MACROD2: variants seen among roughly 807,000 people sequenced by gnomAD.
MACROD2 encodes mono-ADP ribosylhydrolase 2.
In MACROD2, 36 loss-of-function variants were observed where a neutral mutation model predicts 70.4. The observed-to-expected ratio is 0.51, with a 90% CI of 0.39 to 0.68. The LOEUF is 0.68. Ranked by LOEUF, MACROD2 falls within the 30% of genes least tolerant of loss-of-function variation. The pLI is 0.00. For missense variants in MACROD2, 496 were observed against 538.4 expected (o/e 0.92, Z 0.78); for synonymous variants, 172 against 178.8 (o/e 0.96, Z 0.30).
rs1285356290 is a variant in MACROD2 at position 14,190,713 on chromosome 20, T to A, written c.271+104985T>A. ...ATATATATATATTTTTTTTTTTTTT[T>A]TTTTTTTTTTTTTTTCCAGAGTCTT... is the stretch of plus-strand genomic sequence containing the variant. On this transcript the variant is annotated intron_variant, in intron 3 of 17. Coordinates refer to ENST00000684519, the MANE Select transcript of MACROD2 (RefSeq NM_001351661.2). Among the ~76,000 whole-genome samples, 283 of 104,342 alleles carry A rather than the reference T, an allele frequency of 2.7e-3. 1 individual carries two copies. Among genetic ancestry groups the A allele is most frequent in the African/African-American group, 6.9e-3 (171 of 24,934 alleles). 68.5% of individuals were successfully genotyped at this position (104,342 alleles called of 152,430 possible).
chr20:14,971,273 G>A (rs148654367), intron 5 of MACROD2, among the ~76,000 whole-genome samples: 341 of 152,048 alleles, frequency 2.2e-3, no homozygotes, highest in African/African-American at 7.4e-3. Context: ...ATGGGTAACC[G>A]TCACCTTAAG....
intron 3 of MACROD2, among the ~76,000 whole-genome samples, chr20:14,435,055 C>T (rs1268332779): frequency 6.6e-6 from 1 of 152,154 alleles, no homozygotes; most frequent in Non-Finnish European, 1.5e-5. Context: ...CTTAATACTG[C>T]AGAACTTGAT....
At position 15,876,091 on chromosome 20, in the gene MACROD2, T is replaced by TTATATATATATATATATATATA. The variant is rs752542911; in HGVS notation, c.728-9652_728-9651insATATATATATATATATATATAT. ...ACTTTTATTGTCAGCTACATGTCTT[T>TTATATATATATATATATATATA]TATATATATATATATATATATGTGT... On this transcript the variant is annotated intron_variant, in intron 9 of 17. Coordinates refer to ENST00000684519, the MANE Select transcript of MACROD2 (RefSeq NM_001351661.2). 7.0e-4 allele frequency among the ~76,000 whole-genome samples: 23 copies of TTATATATATATATATATATATA among 33,090 alleles called. 1 individual carries two copies. The East Asian group carries it at 0.023, about 33-fold the overall frequency. 21.7% of individuals were successfully genotyped at this position (33,090 alleles called of 152,430 possible).
intron 5 of MACROD2, among the ~76,000 whole-genome samples, chr20:14,974,007 G>A (rs568104840): frequency 6.6e-6 from 1 of 152,308 alleles, no homozygotes; most frequent in African/African-American, 2.4e-5. Flanking sequence ...GGTGTTGGAA[G>A]GTGGAAAATA....
At chr20:15,879,787 C>T (rs2064728271) in intron 9 of MACROD2, among the ~76,000 whole-genome samples, 1 of 152,052 alleles carries the variant, frequency 6.6e-6, no homozygotes, top group African/African-American at 2.4e-5. Context: ...CTGCAGTTGG[C>T]AAGTGTGAGA....
chr20:15,897,536 A>T (rs2064991900), intron 10 of MACROD2, among the ~76,000 whole-genome samples: 1 of 151,814 alleles, frequency 6.6e-6, no homozygotes, highest in African/African-American at 2.4e-5. Flanking sequence ...GTTCTTCATG[A>T]CTTTTAACCC....
chr20:14,862,216 TA>T (rs2073346517), intron 5 of MACROD2, among the ~76,000 whole-genome samples: 1 of 30,612 alleles, frequency 3.3e-5, no homozygotes, highest in Non-Finnish European at 5.9e-5. Context: ...AATATATATA[TA>T]TATAAATATA....
rs140774589 is a variant in MACROD2, at chr20:15,120,876, A to G, written c.419-109064A>G. 6.6e-5 allele frequency among the ~76,000 whole-genome samples: 10 copies of G among 152,228 alleles called. No homozygotes were observed. The East Asian group carries it at 1.9e-3, about 29-fold the overall frequency. ...TCTTCTTTAACACCTGTCACACTCA[A>G]CAATGTTGACTACCCTCTCTTAGGT... On this transcript the variant is annotated intron_variant, in intron 5 of 17. Coordinates refer to ENST00000684519, the MANE Select transcript of MACROD2 (RefSeq NM_001351661.2).
At chr20:14,467,468 G>C (rs567043868) in intron 3 of MACROD2, among the ~76,000 whole-genome samples, 6 of 152,166 alleles carry the variant, frequency 3.9e-5, no homozygotes, top group Non-Finnish European at 8.8e-5. Context: ...GGAATTCCCT[G>C]ATCCTTTGTG....
chr20:14,483,831 A>C (rs2084690698), intron 3 of MACROD2, among the ~76,000 whole-genome samples: 1 of 152,218 alleles, frequency 6.6e-6, no homozygotes, highest in Non-Finnish European at 1.5e-5. Flanking sequence ...CTTTGCATTT[A>C]AGTTCAAGAC....
intron 7 of MACROD2, among the ~76,000 whole-genome samples, chr20:15,482,648 T>C (rs757392536): frequency 6.6e-6 from 1 of 152,192 alleles, no homozygotes; most frequent in South Asian, 2.1e-4. Flanking sequence ...TGACAAACTG[T>C]CTTCTAAAGG....
At chr20:15,489,948 T>C (rs2047206987) in intron 7 of MACROD2, among the ~76,000 whole-genome samples, 1 of 152,168 alleles carries the variant, frequency 6.6e-6, no homozygotes, top group Non-Finnish European at 1.5e-5. Context: ...GTTTGATTTA[T>C]TTTTTGTGGA....
chr20:15,412,468 A>G (rs1358430752), intron 6 of MACROD2, among the ~76,000 whole-genome samples: 1 of 152,228 alleles, frequency 6.6e-6, no homozygotes, highest in African/African-American at 2.4e-5. Flanking sequence ...AACTAAACAA[A>G]GCATCAGCAC....
chr20:14,561,910 G>C (rs1979457963), intron 4 of MACROD2, among the ~76,000 whole-genome samples: 1 of 151,700 alleles, frequency 6.6e-6, no homozygotes, highest in Non-Finnish European at 1.5e-5. Flanking sequence ...AACATACCAA[G>C]AAAATATTCT....
chr20:15,730,294 A>G (rs968392369), intron 8 of MACROD2, among the ~76,000 whole-genome samples: 3 of 152,184 alleles, frequency 2.0e-5, no homozygotes, highest in East Asian at 1.9e-4. Flanking sequence ...TATAGTGTCA[A>G]TGGTCTATGT....
intron 9 of MACROD2, among the ~76,000 whole-genome samples, chr20:15,870,472 T>C (rs896857980): frequency 6.6e-6 from 1 of 152,176 alleles, no homozygotes; most frequent in Non-Finnish European, 1.5e-5. Context: ...TGTTGAAATT[T>C]AATTGCCGTT....
chr20:14,445,134 T>G (rs1054208003), intron 3 of MACROD2, among the ~76,000 whole-genome samples: 3 of 152,050 alleles, frequency 2.0e-5, no homozygotes, highest in Non-Finnish European at 2.9e-5. Context: ...GTAAACAGCC[T>G]CCTATTACCT....
chr20:14,343,392 G>T (rs1288098256), intron 3 of MACROD2, among the ~76,000 whole-genome samples: 1 of 152,198 alleles, frequency 6.6e-6, no homozygotes, highest in East Asian at 1.9e-4. Flanking sequence ...ATGAAGACAG[G>T]TATGTGGCAC....
At chr20:14,791,904 G>T in intron 5 of MACROD2, among the ~76,000 whole-genome samples, 1 of 151,714 alleles carries the variant, frequency 6.6e-6, no homozygotes, top group Non-Finnish European at 1.5e-5. Context: ...ATTTTGAAAT[G>T]TTAATAATAA....
Sources: gnomAD v4.1 joint callset for allele counts (sites outside exome capture counted in the v4.1 genomes callset) on GRCh38, gnomAD v4.1.1 for gene constraint, MANE v1.5 for transcripts, NCBI Gene and HGNC (gene_info 2026-07-23, HGNC 2026-07-21) for gene names.